CCDC3: variants seen among roughly 807,000 people sequenced by gnomAD.
CCDC3 encodes the protein coiled-coil domain containing 3.
CCDC3 carries 24 observed loss-of-function variants against 21.4 expected under a neutral mutation model. The ratio of observed to expected loss-of-function variants is 1.12; its 90% confidence interval spans 0.81 to 1.58. The LOEUF (loss-of-function observed/expected upper bound fraction) is 1.58, where lower values mean the gene tolerates loss of function less well. Ranked by LOEUF, CCDC3 falls within the 40% of genes most tolerant of loss-of-function variation. The pLI is 0.00. For missense variants in CCDC3, 425 were observed against 360.9 expected, an observed-to-expected ratio of 1.18 and a Z score of -1.44; for synonymous variants, 186 against 166.0, an observed-to-expected ratio of 1.12 and a Z score of -0.93.
chr10:13,052,228 G>A (rs995145405), intron 4 of CCDC3, among the ~76,000 whole-genome samples: 1 of 152,054 alleles, frequency 6.6e-6, no homozygotes, highest in Non-Finnish European at 1.5e-5. Flanking sequence ...TTAAAATTTA[G>A]CCAGGTATGG....
intron 5 of CCDC3, among the ~76,000 whole-genome samples, chr10:13,035,005 G>A (rs1317837659): frequency 5.4e-5 from 8 of 147,644 alleles, no homozygotes; most frequent in South Asian, 2.1e-4. Flanking sequence ...CAGTCTGGGC[G>A]ACAAAGTGAG....
At chr10:12,972,516 T>G (rs766146922) in intron 2 of CCDC3, among the ~76,000 whole-genome samples, 1 of 152,136 alleles carries the variant, frequency 6.6e-6, no homozygotes, top group Non-Finnish European at 1.5e-5. Context: ...TTCCAGAAGC[T>G]TTTAAAATGA....
upstream of CCDC3, among the ~76,000 whole-genome samples, chr10:13,005,096 CCT>C (rs1227213199): frequency 6.6e-6 from 1 of 152,202 alleles, no homozygotes; most frequent in Non-Finnish European, 1.5e-5. Context: ...TACTCCCAGC[CCT>C]CTCTTAGTCT....
chr10:12,939,314 ATCTT>A (rs1442060157), intron 2 of CCDC3, among the ~76,000 whole-genome samples: 1 of 152,188 alleles, frequency 6.6e-6, no homozygotes, highest in Non-Finnish European at 1.5e-5. Flanking sequence ...ACGAGAAGAA[ATCTT>A]TCTTTATATT....
At chr10:13,048,658 G>A (rs1342461296) in intron 5 of CCDC3, among the ~76,000 whole-genome samples, 58 of 152,272 alleles carry the variant, frequency 3.8e-4, no homozygotes, top group Non-Finnish European at 5.9e-5. Context: ...CTGCAGACAG[G>A]AACTTGAAGG....
At chr10:13,049,755 A>G (rs1422234749) in exon 5 of CCDC3, 1 of 152,168 alleles carries the variant, frequency 6.6e-6, no homozygotes, top group Non-Finnish European at 1.5e-5. Context: ...TGCCCAGAAG[A>G]GCCCTGGGAG....
At chr10:13,060,757 C>T (rs746829130) in intron 4 of CCDC3, among the ~76,000 whole-genome samples, 20 of 152,254 alleles carry the variant, frequency 1.3e-4, no homozygotes, top group Middle Eastern at 3.4e-3. Context: ...CCTCCCTCTT[C>T]GGCCTCCCAA....
chr10:12,988,766 GC>G (rs1170140046), intron 2 of CCDC3, among the ~76,000 whole-genome samples: 2 of 152,260 alleles, frequency 1.3e-5, no homozygotes, highest in Non-Finnish European at 1.5e-5. Context: ...TTCAAGGAGG[GC>G]CTGGAGCTCT....
intron 2 of CCDC3, among the ~76,000 whole-genome samples, chr10:12,920,950 AGAG>A (rs1401124595): frequency 1.3e-5 from 2 of 152,362 alleles, no homozygotes; most frequent in East Asian, 3.9e-4. Context: ...AGGGGCTCAC[AGAG>A]GAGGGCAGGC....
intron 2 of CCDC3, among the ~76,000 whole-genome samples, chr10:12,940,667 G>GTAATAAGTCAATCATAC (rs1275981446): frequency 6.8e-6 from 1 of 147,404 alleles, no homozygotes; most frequent in African/African-American, 2.5e-5. Context: ...AAGAAGCTAA[G>GTAATAAGTCAATCATAC]TAATAAGTCA....
At chr10:12,911,092 T>C (rs1448644566) in intron 2 of CCDC3, among the ~76,000 whole-genome samples, 1 of 152,250 alleles carries the variant, frequency 6.6e-6, no homozygotes, top group Admixed American at 6.5e-5. Context: ...TGGAAGGCCA[T>C]TCCATGACTC....
chr10:13,055,744 C>G (rs909092350), intron 4 of CCDC3, among the ~76,000 whole-genome samples: 2 of 152,150 alleles, frequency 1.3e-5, no homozygotes, highest in African/African-American at 2.4e-5. Flanking sequence ...TAATTCATTC[C>G]AAAATGCTTG....
At chr10:12,999,436 G>A (rs1835813522) in intron 1 of CCDC3, among the ~76,000 whole-genome samples, 2 of 152,082 alleles carry the variant, frequency 1.3e-5, no homozygotes, top group African/African-American at 2.4e-5. Flanking sequence ...AGAGATGAAA[G>A]TTACACTCCA....
intron 5 of CCDC3, among the ~76,000 whole-genome samples, chr10:13,022,182 C>T (rs959066473): frequency 2.6e-5 from 4 of 152,158 alleles, no homozygotes; most frequent in African/African-American, 7.2e-5. Flanking sequence ...AGTGAACAGA[C>T]GTCCTCCTCT....
chr10:12,931,162 G>C (rs1834633416), intron 2 of CCDC3, among the ~76,000 whole-genome samples: 1 of 128,266 alleles, frequency 7.8e-6, no homozygotes, highest in Non-Finnish European at 1.5e-5. Flanking sequence ...AGCGAGCTGA[G>C]ATCATGCCAC....
intron 2 of CCDC3, among the ~76,000 whole-genome samples, chr10:12,982,977 T>A (rs1266198321): frequency 6.7e-6 from 1 of 150,216 alleles, no homozygotes; most frequent in Non-Finnish European, 1.5e-5. Context: ...CTGGGCATGG[T>A]GGCGGGTGCC....
chr10:12,910,413 A>G (rs892599148), intron 2 of CCDC3, among the ~76,000 whole-genome samples: 2 of 152,148 alleles, frequency 1.3e-5, no homozygotes, highest in African/African-American at 2.4e-5. Context: ...GTCCATAACC[A>G]TATGTCCCCA....
Position 12,898,552 on chromosome 10 carries a change from C to T in CCDC3, c.677G>A (p.Arg226Lys). The change falls in exon 3 of 3, where the codon AGG becomes AAG. Residue 226 changes from arginine to lysine, a missense_variant. Transcript: ENST00000378825. ...CTTCTTACGCGCCTGCCGCAAGGAC[C>T]TCTTGACCTTCTTCACTCGCTCCCG... ...QLRERVKKVK[R>K]SLRQARKKGR... 6.2e-7 allele frequency: 1 copy of T among 1,614,234 alleles called. No individual in the cohort carries two copies. The highest frequency in any genetic ancestry group is 8.5e-7 in the Non-Finnish European group (1 of 1,180,048).
intron 5 of CCDC3, among the ~76,000 whole-genome samples, chr10:13,025,439 G>C (rs917079354): frequency 2.0e-5 from 3 of 152,168 alleles, no homozygotes; most frequent in African/African-American, 7.2e-5. Context: ...GCTCATAAGG[G>C]AACAAGCACT....
Sources: gnomAD v4.1 joint callset for allele counts (sites outside exome capture counted in the v4.1 genomes callset) on GRCh38, gnomAD v4.1.1 for gene constraint, MANE v1.5 for transcripts, NCBI Gene and HGNC (gene_info 2026-07-23, HGNC 2026-07-21) for gene names.